Variants in RIC8A observed in about 807,000 individuals in gnomAD.
The protein encoded by RIC8A is RIC8 guanine nucleotide exchange factor A.
RIC8A carries 37 observed loss-of-function variants against 48.4 expected under a neutral mutation model. The ratio of observed to expected loss-of-function variants is 0.77; its 90% confidence interval spans 0.59 to 1.01. The LOEUF (loss-of-function observed/expected upper bound fraction) is 1.01. Among genes scored for constraint, RIC8A ranks in the 50% least tolerant of loss-of-function variants. The probability of loss-of-function intolerance (pLI) is 0.00; values close to 1 mark genes in which losing one functional copy is unlikely to be tolerated. For synonymous variants in RIC8A, 288 were observed against 283.4 expected, an observed-to-expected ratio of 1.02 and a Z score of -0.16; for missense variants, 681 against 696.8, an observed-to-expected ratio of 0.98 and a Z score of 0.25.
Position 209,238 on chromosome 11 carries a change from CTG to C in RIC8A, c.85-30_85-29del, listed in dbSNP as rs780179060. On this transcript the variant is annotated intron_variant, in intron 1 of 9. Coordinates refer to ENST00000526104, the MANE Select transcript of RIC8A (RefSeq NM_001286134.2). ...ATCAGCGGACGCGGATCCTACCCCT[CTG>C]TGGATTTGAATTCACTAGTTCTCTC... 3.1e-6 allele frequency: 5 copies of C among 1,613,818 alleles called. No individual in the cohort carries two copies. The South Asian group carries it at 4.4e-5, about 14-fold the overall frequency.
chr11:212,338 G>C, intron 5 of RIC8A, 78 bp from the exon 6 acceptor site: 1 of 1,383,822 alleles, frequency 7.2e-7, no homozygotes, highest in South Asian at 1.2e-5. Flanking sequence ...GGTGGGAAGG[G>C]GTGGTGGGGA....
intron 8 of RIC8A, 59 bp downstream of exon 8, chr11:213,040 ACACC>A: frequency 1.3e-6 from 2 of 1,512,722 alleles, no homozygotes; most frequent in Non-Finnish European, 1.8e-6. Flanking sequence ...CCCTGCTTCC[ACACC>A]CATGTGGACC....
At position 209,582 on chromosome 11, in the gene RIC8A, G is replaced by C. The variant is rs762272311; in HGVS notation, c.308G>C (p.Gly103Ala). ...TATGCTGACATCTCTGTCTCTGAGG[G>C]GTCCGTCCCAGAGTCCGCAGACATG... ...ACYADISVSEGSVPESADMDV... is the reference protein window; with the variant it reads ...ACYADISVSEASVPESADMDV... The change falls in exon 3 of 10, where the codon GGG (glycine) becomes GCG (alanine). Residue 103 changes from glycine (G) to alanine (A), a missense_variant. Transcript: ENST00000526104. 9 of 1,614,070 alleles carry C rather than the reference G, an allele frequency of 5.6e-6. No individual in the cohort carries two copies. The highest frequency in any genetic ancestry group is 7.6e-6 in the Non-Finnish European group (9 of 1,180,042).
Position 211,397 on chromosome 11 carries a change from G to T in RIC8A, c.969+48G>T, listed in dbSNP as rs373340017. On this transcript the variant is annotated intron_variant, in intron 5 of 9. Transcript: ENST00000526104. The surrounding 1 kb of genome is among the most constrained non-coding windows in gnomAD (Gnocchi z 4.0). ...GGCTCCCCCAGTGGCTCTGGCACTG[G>T]TTCTCCTGCACAGATGTGGTCAGTG... 5.9e-5 allele frequency: 93 copies of T among 1,588,202 alleles called. 2 individuals are homozygous for T. The African/African-American group carries it at 1.0e-3, about 18-fold the overall frequency.
chr11:213,441 G>A (rs1328962042), intron 9 of RIC8A, 23 bp downstream of exon 9: 4 of 1,561,196 alleles, frequency 2.6e-6, no homozygotes, highest in Admixed American at 3.8e-5. Flanking sequence ...AGGAGGAGGG[G>A]CCTGCAGCTG....
In RIC8A at chr11:214,742, T is replaced by C. The variant is rs1855491834; in HGVS notation, c.*392T>C. Reference sequence around the variant, plus strand: ...CAAGCACCATCTGGGATTGGCACACTGGCAGAGCCAGTGTGTTGGGGTATG... The same window carrying C: ...CAAGCACCATCTGGGATTGGCACACCGGCAGAGCCAGTGTGTTGGGGTATG... On this transcript the variant is annotated 3_prime_UTR_variant, in exon 10 of 10. Coordinates refer to ENST00000526104, the MANE Select transcript of RIC8A (RefSeq NM_001286134.2). The C allele has an allele frequency of 5.6e-6, 2 of 360,258 alleles. No individual in the cohort carries two copies. Among genetic ancestry groups the C allele is most frequent in the Admixed American group, 7.7e-5 (2 of 26,130 alleles). 22.3% of individuals were successfully genotyped at this position (360,258 alleles called of 1,614,324 possible).
chr11:208,860 G>T lies in RIC8A; in HGVS notation c.6G>T (p.Glu2Asp), dbSNP rs746166381. 1.1e-5 allele frequency: 17 copies of T among 1,609,592 alleles called. No homozygotes were observed. The Middle Eastern group carries it at 5.0e-4, about 48-fold the overall frequency. ...CCCGCCTTCCCCGGCGCGCCATGGA[G>T]CCCCGGGCGGTTGCAGAAGCCGTGG... M[E>D]PRAVAEAVET... The change falls in exon 1 of 10, where the codon GAG (glutamate) becomes GAT (aspartate). Residue 2 changes from glutamate to aspartate, a missense_variant. Glu to Asp is a conservative substitution (Grantham distance 45, BLOSUM62 2). Coordinates refer to ENST00000526104, the MANE Select transcript of RIC8A (RefSeq NM_001286134.2). This position sits in a 1 kb window ranked among gnomAD's most constrained non-coding sequence, Gnocchi z 4.8.
intron 6 of RIC8A, 23 bp downstream of exon 6, chr11:212,534 C>A: frequency 1.2e-6 from 2 of 1,613,100 alleles, no homozygotes; most frequent in Non-Finnish European, 1.7e-6. Context: ...GGAGCTGGTG[C>A]TCCTGGGGGA....
intron 9 of RIC8A, 163 bp downstream of exon 9, chr11:213,581 A>G: frequency 1.1e-6 from 1 of 879,750 alleles, no homozygotes; most frequent in Non-Finnish European, 1.7e-6. Context: ...GAAATCCCCC[A>G]GGGGATGGGT....
rs1453865856 is a variant in RIC8A at position 209,642 on chromosome 11, A to G, written c.368A>G (p.Asn123Ser). Residue 123 changes from asparagine (N) to serine (S), a missense_variant, in exon 3 of 10, where the codon AAC becomes AGC. Coordinates refer to ENST00000526104, the MANE Select transcript of RIC8A (RefSeq NM_001286134.2). ...VVLESLKCLC[N>S]LVLSSPVAQM... ...CTGGAGTCCCTCAAGTGCCTGTGCAACCTCGTGCTCAGCAGCCCTGTGGCA... is the reference window on the plus strand; with the variant it reads ...CTGGAGTCCCTCAAGTGCCTGTGCAGCCTCGTGCTCAGCAGCCCTGTGGCA... 1.2e-6 allele frequency: 2 copies of G among 1,613,892 alleles called. No individual in the cohort carries two copies. The highest frequency in any genetic ancestry group is 1.7e-6 in the Non-Finnish European group (2 of 1,180,022).
chr11:210,482 A>T (rs756755281), intron 3 of RIC8A, 89 bp from the exon 4 acceptor site: 105 of 1,192,794 alleles, frequency 8.8e-5, no homozygotes, highest in Non-Finnish European at 1.1e-4. Flanking sequence ...ATTGCCACAC[A>T]GTCCTGGAGT....
chr11:213,109 T>A, intron 8 of RIC8A, 128 bp downstream of exon 8: 1 of 1,376,594 alleles, frequency 7.3e-7, no homozygotes, highest in African/African-American at 1.5e-5. Flanking sequence ...ATCAAGCACC[T>A]GTTCCTAAGT....
In RIC8A at chr11:211,587, T is replaced by C. The variant is rs1330050498; in HGVS notation, c.969+238T>C. 2.0e-5 allele frequency: 9 copies of C among 459,146 alleles called. No individual in the cohort carries two copies. Among genetic ancestry groups the C allele is most frequent in the African/African-American group, 1.2e-4 (6 of 50,738 alleles). 28.4% of individuals were successfully genotyped at this position (459,146 alleles called of 1,614,324 possible). A position where few individuals can be genotyped will look rare whatever the true frequency, so the allele number is the denominator to read the frequency against. ...TTGAAGGTTTCACTTCTTAAATCTT[T>C]GGGGATCTTTACTGAGTGGTCCAGA... is the stretch of plus-strand genomic sequence containing the variant. On this transcript the variant is annotated intron_variant, in intron 5 of 9. Coordinates refer to ENST00000526104, the MANE Select transcript of RIC8A (RefSeq NM_001286134.2). This position sits in a 1 kb window ranked among gnomAD's most constrained non-coding sequence, Gnocchi z 4.0.
chr11:214,212 T>C lies in RIC8A; in HGVS notation c.1476-18T>C. On this transcript the variant is annotated intron_variant, in intron 9 of 9. Coordinates refer to ENST00000526104, the MANE Select transcript of RIC8A (RefSeq NM_001286134.2). ...AACTGGGCCCCTTCCCCAGCCCCACTGCACCTTTCCCCAACAGGAACAGAG... is the reference window on the plus strand; with the variant it reads ...AACTGGGCCCCTTCCCCAGCCCCACCGCACCTTTCCCCAACAGGAACAGAG... 1 of 1,612,334 alleles carries C rather than the reference T, an allele frequency of 6.2e-7. No homozygotes were observed. The highest frequency in any genetic ancestry group is 1.7e-5 in the Admixed American group (1 of 59,858).
rs1257299661 is a variant in RIC8A at position 214,615 on chromosome 11, A to T, written c.*265A>T. The T allele has an allele frequency of 2.3e-5, 12 of 523,020 alleles. No homozygotes were observed. Among genetic ancestry groups the T allele is most frequent in the Middle Eastern group, 2.9e-4 (1 of 3,484 alleles). 32.4% of individuals were successfully genotyped at this position (523,020 alleles called of 1,614,324 possible). ...CGAAGTACTTTCTTTTGTCTGCGCC[A>T]AGAGGAATGTGTTCAGAAGCTGCTG... On this transcript the variant is annotated 3_prime_UTR_variant, in exon 10 of 10. Coordinates refer to ENST00000526104, the MANE Select transcript of RIC8A (RefSeq NM_001286134.2).
Position 211,393 on chromosome 11 carries a change from ACTGGTT to A in RIC8A, c.969+47_969+52del. Reference sequence around the variant, plus strand: ...TGCAGGCTCCCCCAGTGGCTCTGGCACTGGTTCTCCTGCACAGATGTGGTCAGTGCT... The same window carrying A: ...TGCAGGCTCCCCCAGTGGCTCTGGCACTCCTGCACAGATGTGGTCAGTGCT... On this transcript the variant is annotated intron_variant, in intron 5 of 9. Coordinates refer to ENST00000526104, the MANE Select transcript of RIC8A (RefSeq NM_001286134.2). This position sits in a 1 kb window ranked among gnomAD's most constrained non-coding sequence, Gnocchi z 4.0. 6.3e-7 allele frequency: 1 copy of A among 1,593,496 alleles called. No individual in the cohort carries two copies. Among genetic ancestry groups the A allele is most frequent in the Non-Finnish European group, 8.6e-7 (1 of 1,169,054 alleles).
chr11:209,064 C>T (rs1364162828), intron 1 of RIC8A, 126 bp downstream of exon 1: 4 of 1,013,806 alleles, frequency 3.9e-6, no homozygotes, highest in Admixed American at 4.0e-5. Context: ...CGGCGGGGTG[C>T]GGGGGGCAGG....
In RIC8A at chr11:210,645, C is replaced by G; in HGVS notation, c.801C>G (p.Arg267=). ...HCVMIATAGD[R]TEEFHGHAVN... is the part of the protein sequence containing the mutation. ...TGATGATCGCTACTGCTGGAGACCG[C>G]ACAGAGGAGTTCCACGGGTGAGAAT... The change falls in exon 4 of 10, where the codon CGC becomes CGG. Residue 267 remains arginine, a synonymous_variant. Transcript: ENST00000526104. 6.2e-7 allele frequency: 1 copy of G among 1,614,120 alleles called. No individual in the cohort carries two copies. Among genetic ancestry groups the G allele is most frequent in the Non-Finnish European group, 8.5e-7 (1 of 1,180,008 alleles).
chr11:210,369 T>C (rs990368654), intron 3 of RIC8A: 2 of 706,728 alleles, frequency 2.8e-6, no homozygotes, highest in Non-Finnish European at 5.2e-6. Context: ...ACTCATGGAG[T>C]TTTTAGGAAG....
Sources: allele counts gnomAD v4.1 joint callset, GRCh38; gene constraint gnomAD v4.1.1; non-coding constraint Gnocchi (gnomAD v3.1); transcripts MANE v1.5; gene names NCBI Gene and HGNC (gene_info 2026-07-23, HGNC 2026-07-21).